The following IDS variants were observed in gnomAD, a reference collection of about 807,000 sequenced individuals.
IDS encodes the protein alpha-L-iduronate sulfate sulfatase.
IDS carries 1 observed loss-of-function variant against 33.5 expected under a neutral mutation model. The ratio of observed to expected loss-of-function variants is 0.03; its 90% CI spans 0.01 to 0.14. The LOEUF (loss-of-function observed/expected upper bound fraction) is 0.14. Among genes scored for constraint, IDS ranks in the 10% least tolerant of loss-of-function variants. The pLI, the probability that IDS is intolerant of heterozygous loss-of-function variation, is 1.00. For missense variants in IDS, 328 were observed against 448.0 expected (o/e 0.73, Z 2.42); for synonymous variants, 191 against 184.4 (o/e 1.04, Z -0.29).
chrX:149,482,704 G>A lies in IDS; in HGVS notation c.*42C>T, dbSNP rs782584433. 3 of 1,208,515 alleles carry A rather than the reference G, an allele frequency of 2.5e-6. No individual in the cohort carries two copies. In the East Asian group the frequency reaches 8.9e-5, roughly 36 times the overall value. On this transcript the variant is annotated 3_prime_UTR_variant, in exon 9 of 9. Transcript: ENST00000340855. ...GCTCTAACTCCTCCTCTCACCAGCT[G>A]GAAGGGAGCACATCACATTTGCCAT...
intron 7 of IDS, among the ~76,000 whole-genome samples, chrX:149,489,150 G>A (rs1557338484): frequency 8.9e-6 from 1 of 112,338 alleles, no homozygotes; most frequent in East Asian, 2.8e-4. Context: ...GGCACCGAGG[G>A]CTCAGAAGCA....
chrX:149,481,793 T>C lies in IDS; in HGVS notation c.*953A>G, dbSNP rs1335312699. The C allele has an allele frequency of 8.9e-6, 1 of 112,461 alleles. No homozygotes were observed. Among genetic ancestry groups the C allele is most frequent in the Non-Finnish European group, 1.9e-5 (1 of 53,296 alleles). The allele number at this position is 112,461 out of a possible 1,213,427, so 9.3% of individuals were successfully genotyped here. A position where few individuals can be genotyped will look rare whatever the true frequency, so the allele number is the denominator to read the frequency against. On this transcript the variant is annotated 3_prime_UTR_variant, in exon 9 of 9. Transcript: ENST00000340855. ...GTCCTCAAAATAATTTAGAATTTAA[T>C]GTTTTCTTTAATAAGCAATTAAAAT...
chrX:149,504,231 C>A lies in IDS; in HGVS notation c.166G>T (p.Asp56Tyr), dbSNP rs781919816. Residue 56 changes from aspartate to tyrosine, a missense_variant, in exon 2 of 9, where the codon GAT becomes TAT. Physicochemically the swap from Asp to Tyr is radical, Grantham distance 160. This residue lies in a region of IDS where 15 missense variants were observed against 31.3 expected (regional missense o/e 0.48). Coordinates refer to ENST00000340855, the MANE Select transcript of IDS (RefSeq NM_000202.8). ...ATATTTGGGGACCTCACCAGCTTAT[C>A]CCCATAACAGCCCAGGGAGGGGCGC... ...DLRPSLGCYG[D>Y]KLVRSPNIDQ... 1 of 1,208,353 alleles carries A rather than the reference C, an allele frequency of 8.3e-7. No individual in the cohort carries two copies. Among genetic ancestry groups the A allele is most frequent in the Middle Eastern group, 2.3e-4 (1 of 4,350 alleles).
rs1557337274 is a variant in IDS, at chrX:149,479,927, A to G, written c.*2819T>C. On this transcript the variant is annotated 3_prime_UTR_variant, in exon 9 of 9. Coordinates refer to ENST00000340855, the MANE Select transcript of IDS (RefSeq NM_000202.8). The stretch of plus-strand genomic sequence containing the variant: ...AACACAAGATTCTTTAGCAATGTTC[A>G]TTCCATCCCACAATAGAGTCTAGAG... 6 of 223,350 alleles carry G rather than the reference A, an allele frequency of 2.7e-5. No homozygotes were observed. The highest frequency in any genetic ancestry group is 4.8e-5 in the Non-Finnish European group (6 of 123,847). The allele number at this position is 223,350 out of a possible 1,213,427, so 18.4% of individuals were successfully genotyped here.
chrX:149,478,892 A>T lies in IDS; in HGVS notation c.*3854T>A, dbSNP rs2089279850. 3 of 113,269 alleles carry T rather than the reference A, an allele frequency of 2.6e-5. 1 individual carries two copies. Among genetic ancestry groups the T allele is most frequent in the Admixed American group, 9.3e-5 (1 of 10,773 alleles). 9.3% of individuals were successfully genotyped at this position (113,269 alleles called of 1,213,427 possible). Reference sequence around the variant, plus strand: ...GATAAATATGTTTGATTATTTTAAAAGGTGAAACCCATAACCAAAATTTAA... The same window carrying T: ...GATAAATATGTTTGATTATTTTAAATGGTGAAACCCATAACCAAAATTTAA... On this transcript the variant is annotated 3_prime_UTR_variant, in exon 9 of 9. Transcript: ENST00000340855.
chrX:149,477,950 G>A lies in IDS; in HGVS notation c.*4796C>T, dbSNP rs1488181312. 1 of 112,059 alleles carries A rather than the reference G, an allele frequency of 8.9e-6. No homozygotes were observed. Among genetic ancestry groups the A allele is most frequent in the African/African-American group, 3.2e-5 (1 of 30,775 alleles). 9.2% of individuals were successfully genotyped at this position (112,059 alleles called of 1,213,427 possible). ...CAACGGGCTATGCCTAAGGCCCCAA[G>A]GGACACCCTGGGTTCTACTTTAATC... On this transcript the variant is annotated 3_prime_UTR_variant, in exon 9 of 9. Transcript: ENST00000340855.
intron 7 of IDS, among the ~76,000 whole-genome samples, chrX:149,489,682 C>T (rs6540328): frequency 0.11 from 12,303 of 111,160 alleles, 552 homozygotes; most frequent in Middle Eastern, 0.15. Context: ...GGATTTGCTT[C>T]GAAACAATTC....
At chrX:149,496,211 T>C in intron 6 of IDS, 135 bp downstream of exon 6, 2 of 630,149 alleles carry the variant, frequency 3.2e-6, no homozygotes, top group Non-Finnish European at 5.2e-6. Flanking sequence ...ACCCCAGCAC[T>C]TTGCCTGATA....
intron 8 of IDS, among the ~76,000 whole-genome samples, chrX:149,486,090 G>A: frequency 8.9e-6 from 1 of 111,732 alleles, no homozygotes; most frequent in Non-Finnish European, 1.9e-5. Flanking sequence ...TCATTTCAGA[G>A]ACAGTGTACA....
At chrX:149,496,273 C>A (rs1270486180) in intron 6 of IDS, 73 bp downstream of exon 6, 4 of 975,515 alleles carry the variant, frequency 4.1e-6, no homozygotes, top group Non-Finnish European at 5.9e-6. Context: ...GTTGTGTCTA[C>A]TGAGAAGAGT....
rs1288633571 is a variant in IDS at position 149,482,572 on chromosome X, C to T, written c.*174G>A. On this transcript the variant is annotated 3_prime_UTR_variant, in exon 9 of 9. Coordinates refer to ENST00000340855, the MANE Select transcript of IDS (RefSeq NM_000202.8). ...ATTATAAATTTTAATAAAGACTAAA[C>T]GAAAAGGTTTGGCTGTTACATATTC... 16 of 695,654 alleles carry T rather than the reference C, an allele frequency of 2.3e-5. No individual in the cohort carries two copies. The highest frequency in any genetic ancestry group is 6.7e-5 in the African/African-American group (3 of 44,966). The allele number at this position is 695,654 out of a possible 1,213,427, so 57.3% of individuals were successfully genotyped here. A position where few individuals can be genotyped will look rare whatever the true frequency, so the allele number is the denominator to read the frequency against.
chrX:149,496,520 G>A lies in IDS; in HGVS notation c.709-4C>T, dbSNP rs2089438419. ...AGGGATACAACTTCTGAAATTCCTT[G>A]GGGAAAAACACAAAGCCACAAAGTT... On this transcript the variant is annotated splice_polypyrimidine_tract_variant and splice_region_variant and intron_variant, in intron 5 of 8. Coordinates refer to ENST00000340855, the MANE Select transcript of IDS (RefSeq NM_000202.8). The A allele has an allele frequency of 8.3e-7, 1 of 1,210,598 alleles. No individual in the cohort carries two copies. The highest frequency in any genetic ancestry group is 3.0e-5 in the East Asian group (1 of 33,846).
chrX:149,482,908 A>G lies in IDS; in HGVS notation c.1491T>C (p.Tyr497=). Residue 497 remains tyrosine (Y), a synonymous_variant, in exon 9 of 9, where the codon TAT becomes TAC. Transcript: ENST00000340855. ...TGAAGCCAACCCACACAGTATACCT[A>G]TAGTCTATGGTGCGTATGGAATAGC... ...IMGYSIRTID[Y]RYTVWVGFNP... The G allele has an allele frequency of 8.3e-7, 1 of 1,211,580 alleles. No individual in the cohort carries two copies. Among genetic ancestry groups the G allele is most frequent in the Non-Finnish European group, 1.1e-6 (1 of 895,202 alleles).
rs1304674831 is a variant in IDS at position 149,477,064 on chromosome X, G to C, written c.*5682C>G. 1 of 112,322 alleles carries C rather than the reference G, an allele frequency of 8.9e-6. No homozygotes were observed. The highest frequency in any genetic ancestry group is 2.8e-4 in the East Asian group (1 of 3,623). 9.3% of individuals were successfully genotyped at this position (112,322 alleles called of 1,213,427 possible). On this transcript the variant is annotated 3_prime_UTR_variant, in exon 9 of 9. Coordinates refer to ENST00000340855, the MANE Select transcript of IDS (RefSeq NM_000202.8). ...CAATACAAACTTATGTTTTTCAATA[G>C]TGTAGAAGATGTGAATTCATAAAAG...
chrX:149,490,869 C>T (rs2089385276), intron 6 of IDS, among the ~76,000 whole-genome samples: 1 of 111,743 alleles, frequency 8.9e-6, no homozygotes, highest in Admixed American at 9.4e-5. Context: ...GCTGTCAGTC[C>T]CTGGCATTCC....
At chrX:149,495,902 CCT>C (rs1378539203) in intron 6 of IDS, among the ~76,000 whole-genome samples, 2 of 112,406 alleles carry the variant, frequency 1.8e-5, no homozygotes, top group Non-Finnish European at 3.8e-5. Context: ...CAAGCCACCC[CCT>C]GAGAGTGACA....
Position 149,477,353 on chromosome X carries a change from C to T in IDS, c.*5393G>A, listed in dbSNP as rs2089272218. 8.9e-6 allele frequency: 1 copy of T among 112,641 alleles called. No homozygotes were observed. The highest frequency in any genetic ancestry group is 3.6e-4 in the South Asian group (1 of 2,768). 9.3% of individuals were successfully genotyped at this position (112,641 alleles called of 1,213,427 possible). A position where few individuals can be genotyped will look rare whatever the true frequency, so the allele number is the denominator to read the frequency against. ...GCTGAATACACTACTAGACCTTGAG[C>T]TTTTGTTCCTCATTGGCAGTGGGAG... On this transcript the variant is annotated 3_prime_UTR_variant, in exon 9 of 9. Coordinates refer to ENST00000340855, the MANE Select transcript of IDS (RefSeq NM_000202.8).
chrX:149,482,812 T>C lies in IDS; in HGVS notation c.1587A>G (p.Pro529=), dbSNP rs1433886820. The change falls in exon 9 of 9, where the codon CCA becomes CCG. Residue 529 remains proline (P), a synonymous_variant. Transcript: ENST00000340855. ...AGELYFVDSD[P]LQDHNMYNDS... ...CATTATACATATTGTGATCCTGCAA[T>C]GGGTCAGAATCCACAAAATACAGTT... 2 of 1,211,855 alleles carry C rather than the reference T, an allele frequency of 1.7e-6. No homozygotes were observed. Among genetic ancestry groups the C allele is most frequent in the South Asian group, 3.5e-5 (2 of 57,010 alleles).
Position 149,505,116 on chromosome X carries a change from G to T in IDS, c.22C>A (p.Arg8=), listed in dbSNP as rs1602750610. MPPPRTG[R]GLLWLGLVLS... is the part of the protein sequence containing the mutation. ...ACCAGACCCAGCCAGAGAAGGCCTC[G>T]GCCGGTCCGGGGTGGCGGCATTTCG... Residue 8 remains arginine, a synonymous_variant, in exon 1 of 9, where the codon CGA becomes AGA. Transcript: ENST00000340855. 8.3e-7 allele frequency: 1 copy of T among 1,199,287 alleles called. No individual in the cohort carries two copies.
Sources: allele counts gnomAD v4.1 joint callset (sites outside exome capture counted in the v4.1 genomes callset), GRCh38; gene constraint gnomAD v4.1.1; regional missense constraint gnomAD v4.1.1; transcripts MANE v1.5; gene names NCBI Gene and HGNC (gene_info 2026-07-23, HGNC 2026-07-21).